The following LUZP2 variants were observed in gnomAD, a reference collection of about 807,000 sequenced individuals.
LUZP2 encodes leucine zipper protein 2.
A neutral mutation model predicts 51.6 loss-of-function variants in LUZP2; 52 were observed. The observed-to-expected ratio is 1.01, with a 90% CI of 0.81 to 1.27. LUZP2 has a LOEUF of 1.27. Among genes scored for constraint, LUZP2 ranks in the 50% most tolerant of loss-of-function variants. The pLI is 0.00. For synonymous variants in LUZP2, 154 were observed against 137.3 expected, an observed-to-expected ratio of 1.12 and a Z score of -0.85; for missense variants, 436 against 395.4, an observed-to-expected ratio of 1.10 and a Z score of -0.87.
chr11:24,884,851 G>T (rs1013669829), intron 5 of LUZP2, among the ~76,000 whole-genome samples: 1 of 152,016 alleles, frequency 6.6e-6, no homozygotes, highest in East Asian at 1.9e-4. Context: ...GGTTGTTTTT[G>T]CCCCATTCCC....
At chr11:25,037,202 T>C (rs1026949975) in intron 9 of LUZP2, among the ~76,000 whole-genome samples, 3 of 152,188 alleles carry the variant, frequency 2.0e-5, no homozygotes, top group Non-Finnish European at 4.4e-5. Context: ...TTTAGCATTA[T>C]GTAATGCACT....
chr11:25,051,685 G>A (rs1285583987), intron 10 of LUZP2, among the ~76,000 whole-genome samples: 1 of 152,162 alleles, frequency 6.6e-6, no homozygotes, highest in Non-Finnish European at 1.5e-5. Context: ...ATTTGAACAA[G>A]GGAGCTAGTT....
intron 6 of LUZP2, among the ~76,000 whole-genome samples, chr11:24,908,104 C>A (rs1211708084): frequency 6.6e-6 from 1 of 152,000 alleles, no homozygotes; most frequent in South Asian, 2.1e-4. Flanking sequence ...AAACAAAATA[C>A]TAATATATTT....
intron 3 of LUZP2, among the ~76,000 whole-genome samples, chr11:24,733,914 T>C (rs939523359): frequency 9.9e-5 from 15 of 151,578 alleles, no homozygotes; most frequent in African/African-American, 3.4e-4. Context: ...GAGGAAGATA[T>C]AGTGAGTTTG....
chr11:24,709,679 A>G (rs903169533), intron 1 of LUZP2, among the ~76,000 whole-genome samples: 8 of 152,358 alleles, frequency 5.3e-5, no homozygotes, highest in African/African-American at 1.9e-4. Context: ...AAATAATAAT[A>G]ATCTGAGATA....
intron 1 of LUZP2, among the ~76,000 whole-genome samples, chr11:24,539,100 T>C (rs1397679487): frequency 6.6e-6 from 1 of 151,884 alleles, no homozygotes; most frequent in Admixed American, 6.6e-5. Context: ...ACTTTTTATG[T>C]CATATGTTCT....
intron 9 of LUZP2, among the ~76,000 whole-genome samples, chr11:25,041,190 A>C (rs1858045066): frequency 6.6e-6 from 1 of 152,166 alleles, no homozygotes; most frequent in African/African-American, 2.4e-5. Flanking sequence ...TGGATGCCTG[A>C]AACTGGATAG....
chr11:24,966,617 T>A (rs1355903421), intron 7 of LUZP2, among the ~76,000 whole-genome samples: 1 of 148,710 alleles, frequency 6.7e-6, no homozygotes, highest in Non-Finnish European at 1.5e-5. Context: ...ATTACGTTTA[T>A]ATATATAATG....
intron 1 of LUZP2, among the ~76,000 whole-genome samples, chr11:24,728,921 T>A (rs1858599696): frequency 6.6e-6 from 1 of 151,892 alleles, no homozygotes; most frequent in African/African-American, 2.4e-5. Flanking sequence ...AGGGAAGACA[T>A]AGATAGATGT....
At chr11:24,962,419 G>T (rs1180633373) in intron 7 of LUZP2, among the ~76,000 whole-genome samples, 2 of 152,032 alleles carry the variant, frequency 1.3e-5, no homozygotes, top group African/African-American at 2.4e-5. Flanking sequence ...ACGTAGATTT[G>T]GTTTTTTCAC....
chr11:24,808,440 G>A (rs1388483794), intron 5 of LUZP2, among the ~76,000 whole-genome samples: 1 of 152,122 alleles, frequency 6.6e-6, no homozygotes, highest in Non-Finnish European at 1.5e-5. Context: ...CAATGAGGCT[G>A]AGAAAATTTA....
intron 9 of LUZP2, among the ~76,000 whole-genome samples, chr11:24,986,108 T>C (rs963606979): frequency 1.3e-5 from 2 of 151,698 alleles, no homozygotes; most frequent in African/African-American, 4.8e-5. Flanking sequence ...TTGCAAAAAA[T>C]AGAGCATGCA....
intron 1 of LUZP2, among the ~76,000 whole-genome samples, chr11:24,552,483 A>G (rs1438653027): frequency 1.3e-5 from 2 of 152,040 alleles, no homozygotes; most frequent in African/African-American, 4.8e-5. Flanking sequence ...ATAAATAAAC[A>G]ATATTATCTA....
intron 5 of LUZP2, among the ~76,000 whole-genome samples, chr11:24,837,187 AT>A (rs1158849121): frequency 3.3e-5 from 5 of 151,716 alleles, no homozygotes; most frequent in East Asian, 1.9e-4. Context: ...CATATTCAAT[AT>A]TTTTTATACT....
chr11:24,847,693 G>A (rs2716521), intron 5 of LUZP2, among the ~76,000 whole-genome samples: 144,667 of 152,222 alleles, frequency 0.95, 68,772 homozygotes, highest in Middle Eastern at 0.98. Flanking sequence ...CTTAGCATTC[G>A]TTGATGAATA....
intron 1 of LUZP2, among the ~76,000 whole-genome samples, chr11:24,575,007 C>T (rs1218560453): frequency 1.3e-5 from 2 of 152,086 alleles, no homozygotes; most frequent in Admixed American, 6.6e-5. Flanking sequence ...TTGGTCACTG[C>T]TTATAGATTA....
chr11:24,818,316 T>C (rs1005940974), intron 5 of LUZP2, among the ~76,000 whole-genome samples: 2 of 152,058 alleles, frequency 1.3e-5, no homozygotes, highest in East Asian at 3.9e-4. Flanking sequence ...TTTATGAGAA[T>C]GTTTAATTAA....
At chr11:24,758,931 A>T (rs565391916) in intron 4 of LUZP2, among the ~76,000 whole-genome samples, 1 of 152,230 alleles carries the variant, frequency 6.6e-6, no homozygotes, top group African/African-American at 2.4e-5. Context: ...ATGAAAAAAG[A>T]TGTATATCTG....
chr11:24,855,402 G>A (rs1316695748), intron 5 of LUZP2, among the ~76,000 whole-genome samples: 1 of 152,138 alleles, frequency 6.6e-6, no homozygotes, highest in Middle Eastern at 3.2e-3. Flanking sequence ...CTAGGCATAT[G>A]TTTAACCCAG....
Sources: allele counts gnomAD v4.1 joint callset (sites outside exome capture counted in the v4.1 genomes callset), GRCh38; gene constraint gnomAD v4.1.1; transcripts MANE v1.5; gene names NCBI Gene and HGNC (gene_info 2026-07-23, HGNC 2026-07-21).